Variants in TBC1D23 observed in about 807,000 individuals in gnomAD.
TBC1D23 encodes the protein HCV non-structural protein 4A-transactivated protein 1.
A neutral mutation model predicts 91.4 loss-of-function variants in TBC1D23; 55 were observed. The observed-to-expected ratio is 0.60, with a 90% confidence interval of 0.48 to 0.75. The LOEUF is 0.75. TBC1D23 is among the 30% of genes least tolerant of loss of function. TBC1D23 has a pLI of 0.00. For synonymous variants in TBC1D23, 289 were observed against 281.0 expected (o/e 1.03, Z -0.28); for missense variants, 725 against 836.1 (o/e 0.87, Z 1.64).
intron 18 of TBC1D23, among the ~76,000 whole-genome samples, chr3:100,322,342 C>G (rs1016382259): frequency 4.0e-4 from 61 of 152,174 alleles, no homozygotes; most frequent in African/African-American, 1.3e-3. Flanking sequence ...ATCCACCCAC[C>G]TTGGCCTCCC....
chr3:100,276,805 ATAG>A (rs1034705004), intron 1 of TBC1D23, among the ~76,000 whole-genome samples: 1 of 152,232 alleles, frequency 6.6e-6, no homozygotes, highest in Non-Finnish European at 1.5e-5. Flanking sequence ...ACATACGTTA[ATAG>A]TTTCAAAGTC....
chr3:100,265,959 CTT>C (rs1465073933), intron 1 of TBC1D23, among the ~76,000 whole-genome samples: 2 of 151,956 alleles, frequency 1.3e-5, no homozygotes, highest in Admixed American at 1.3e-4. Context: ...CTTAAAATGT[CTT>C]TTAAGAACTA....
rs748485996 is a variant in TBC1D23, at chr3:100,261,055, T to C, written c.37T>C (p.Ser13Pro). 1.2e-6 allele frequency: 2 copies of C among 1,613,882 alleles called. No homozygotes were observed. Among genetic ancestry groups the C allele is most frequent in the South Asian group, 1.1e-5 (1 of 91,078 alleles). Residue 13 changes from serine (S) to proline (P), a missense_variant, in exon 1 of 19, where the codon TCG (serine) becomes CCG (proline). Transcript: ENST00000394144. ...AGAAGATGTGCCGCCGCTGCCAACG[T>C]CGAGCGGCGACGGCTGGTGAGTGAA... ...EGEDVPPLPTSSGDGWEKDLE... is the reference protein window; with the variant it reads ...EGEDVPPLPTPSGDGWEKDLE...
intron 13 of TBC1D23, among the ~76,000 whole-genome samples, chr3:100,307,214 A>T (rs1705531708): frequency 1.3e-5 from 2 of 152,230 alleles, no homozygotes; most frequent in African/African-American, 4.8e-5. Context: ...TCAATATTTC[A>T]TGTCAGTTGA....
intron 1 of TBC1D23, chr3:100,261,343 T>G (rs1337777255): frequency 2.0e-6 from 1 of 507,250 alleles, no homozygotes; most frequent in Non-Finnish European, 3.5e-6. Context: ...GTCTCCAAAG[T>G]GTGCTGGAGT....
At chr3:100,275,666 A>G (rs1367444381) in intron 1 of TBC1D23, among the ~76,000 whole-genome samples, 1 of 152,218 alleles carries the variant, frequency 6.6e-6, no homozygotes. Flanking sequence ...TAATGAACAA[A>G]TAATATATAT....
At chr3:100,271,479 G>C (rs530077173) in intron 1 of TBC1D23, among the ~76,000 whole-genome samples, 16 of 152,280 alleles carry the variant, frequency 1.1e-4, no homozygotes, top group East Asian at 7.7e-4. Context: ...CTGAAAGATC[G>C]TGGGGAGTGG....
chr3:100,287,612 A>G (rs2067755177), intron 4 of TBC1D23, among the ~76,000 whole-genome samples: 1 of 152,154 alleles, frequency 6.6e-6, no homozygotes, highest in Admixed American at 6.5e-5. Context: ...GTATGAATCT[A>G]GTTCTGTGTC....
At chr3:100,302,002 T>G in intron 10 of TBC1D23, 65 bp from the exon 11 acceptor site, 8 of 1,349,742 alleles carry the variant, frequency 5.9e-6, no homozygotes, top group Non-Finnish European at 8.1e-6. Flanking sequence ...AAAAAAAATT[T>G]CAAATTTACA....
chr3:100,276,478 A>G (rs2067649973), intron 1 of TBC1D23, among the ~76,000 whole-genome samples: 1 of 152,170 alleles, frequency 6.6e-6, no homozygotes, highest in Non-Finnish European at 1.5e-5. Flanking sequence ...AATGCATATT[A>G]AATTTGGTAG....
Position 100,306,550 on chromosome 3 carries a change from A to G in TBC1D23, c.1413+7A>G. ...CAGTATCAATTCTGTTGATGTAAGT[A>G]TATGTAGAGAATATGTTACCGGATT... On this transcript the variant is annotated splice_region_variant and intron_variant, in intron 13 of 18. Coordinates refer to ENST00000394144, the MANE Select transcript of TBC1D23 (RefSeq NM_001199198.3). 2.6e-6 allele frequency: 4 copies of G among 1,512,330 alleles called. No homozygotes were observed. Among genetic ancestry groups the G allele is most frequent in the Non-Finnish European group, 3.7e-6 (4 of 1,089,120 alleles). The allele number at this position is 1,512,330 out of a possible 1,614,324, so 93.7% of individuals were successfully genotyped here. A position where few individuals can be genotyped will look rare whatever the true frequency, so the allele number is the denominator to read the frequency against.
rs114050403 is a variant in TBC1D23 at position 100,286,820 on chromosome 3, A to T, written c.476+3009A>T. Among the ~76,000 whole-genome samples, 1,066 of 151,386 alleles carry T rather than the reference A, an allele frequency of 7.0e-3. 12 individuals are homozygous for T. The highest frequency in any genetic ancestry group is 0.025 in the African/African-American group (1,021 of 41,210). On this transcript the variant is annotated intron_variant, in intron 4 of 18. Transcript: ENST00000394144. Reference sequence around the variant, plus strand: ...CTAACATATCTTCTTCTTTTTAATTATTTATTTATTCATTTAGACAGAGTC... The same window carrying T: ...CTAACATATCTTCTTCTTTTTAATTTTTTATTTATTCATTTAGACAGAGTC...
rs9860988 is a variant in TBC1D23 at position 100,308,877 on chromosome 3, C to T, written c.1414-1526C>T. Among the ~76,000 whole-genome samples, 489 of 152,312 alleles carry T rather than the reference C, an allele frequency of 3.2e-3. 2 individuals are homozygous for T. The highest frequency in any genetic ancestry group is 0.011 in the African/African-American group (455 of 41,576). On this transcript the variant is annotated intron_variant, in intron 13 of 18. Transcript: ENST00000394144. ...ACTTTTAAATGTTTGACACCCATCA[C>T]GAAGTTGCCTTCTAGGAAGGTATAT...
At chr3:100,302,022 G>C in intron 10 of TBC1D23, 45 bp from the exon 11 acceptor site, 1 of 1,487,238 alleles carries the variant, frequency 6.7e-7, no homozygotes, top group East Asian at 2.5e-5. Flanking sequence ...AAATATATGT[G>C]AAACACAGGC....
chr3:100,290,852 A>G (rs2067783926), intron 5 of TBC1D23, 151 bp downstream of exon 5: 1 of 591,178 alleles, frequency 1.7e-6, no homozygotes, highest in Admixed American at 3.8e-5. Context: ...TGGCATTTCA[A>G]AATAACTTTT....
intron 4 of TBC1D23, among the ~76,000 whole-genome samples, chr3:100,285,002 T>C (rs937977682): frequency 1.3e-5 from 2 of 152,178 alleles, no homozygotes; most frequent in African/African-American, 4.8e-5. Context: ...CTGACTCTTA[T>C]TTTTTACTAC....
rs1336318830 is a variant in TBC1D23 at position 100,306,457 on chromosome 3, G to A, written c.1327G>A (p.Asp443Asn). 1.1e-5 allele frequency: 18 copies of A among 1,609,626 alleles called. No homozygotes were observed. The Admixed American group carries it at 1.2e-4, about 10-fold the overall frequency. The change falls in exon 13 of 19, where the codon GAC becomes AAC. Residue 443 changes from aspartate to asparagine, a missense_variant. Physicochemically the swap from Asp to Asn is conservative, Grantham distance 23. Transcript: ENST00000394144. Reference sequence around the variant, plus strand: ...TTAAGCACTGCAGCAGCACCTGGCAGACATTAATGTGGATGGACCAGAAAA... The same window carrying A: ...TTAAGCACTGCAGCAGCACCTGGCAAACATTAATGTGGATGGACCAGAAAA... ...GFMALQQHLA[D>N]INVDGPENGY... is the part of the protein sequence containing the mutation.
chr3:100,270,720 T>A (rs2067593155), intron 1 of TBC1D23, among the ~76,000 whole-genome samples: 1 of 152,178 alleles, frequency 6.6e-6, no homozygotes, highest in African/African-American at 2.4e-5. Flanking sequence ...GCAATAGAAA[T>A]AACATATTTA....
At chr3:100,261,987 T>C (rs892195691) in intron 1 of TBC1D23, among the ~76,000 whole-genome samples, 1 of 152,226 alleles carries the variant, frequency 6.6e-6, no homozygotes, top group Non-Finnish European at 1.5e-5. Flanking sequence ...ATGGGCACTT[T>C]AAAAATAATA....
Sources: gnomAD v4.1 joint callset for allele counts (sites outside exome capture counted in the v4.1 genomes callset) on GRCh38, gnomAD v4.1.1 for gene constraint, MANE v1.5 for transcripts, NCBI Gene and HGNC (gene_info 2026-07-23, HGNC 2026-07-21) for gene names.